The following SLC7A5 variants were observed in gnomAD, a reference collection of about 807,000 sequenced individuals.
SLC7A5 encodes the protein solute carrier family 7 member 5, also known as large neutral amino acids transporter small subunit 1.
SLC7A5 carries 23 observed loss-of-function variants against 50.2 expected under a neutral mutation model. The observed-to-expected ratio is 0.46, with a 90% CI of 0.33 to 0.65. SLC7A5 has a LOEUF of 0.65. Among genes scored for constraint, SLC7A5 ranks in the 30% least tolerant of loss-of-function variants. The pLI is 0.02. For missense variants in SLC7A5, 578 were observed against 684.4 expected (o/e 0.84, Z 1.73); for synonymous variants, 393 against 330.6 (o/e 1.19, Z -2.05).
chr16:87,868,621 G>C (rs1467283199), intron 1 of SLC7A5, among the ~76,000 whole-genome samples: 2 of 152,206 alleles, frequency 1.3e-5, no homozygotes. Context: ...GCTTAAGTGG[G>C]GGAATGGAAT....
intron 8 of SLC7A5, 26 bp from the exon 9 acceptor site, chr16:87,834,617 G>A: frequency 6.4e-7 from 1 of 1,566,590 alleles, no homozygotes; most frequent in Non-Finnish European, 8.6e-7. Flanking sequence ...GGGCCTGGGT[G>A]AGCCCTCTCC....
Position 87,860,340 on chromosome 16 carries a change from AT to A in SLC7A5, c.539-8492del, listed in dbSNP as rs1406917671. On this transcript the variant is annotated intron_variant, in intron 1 of 9. Transcript: ENST00000261622. The surrounding 1 kb of genome is among the most constrained non-coding windows in gnomAD (Gnocchi z 4.8). The stretch of plus-strand genomic sequence containing the variant: ...AAAAGCATCTCAAAAAAAAAAAAAA[AT>A]ACACACACACACACACACACACACA... Among the ~76,000 whole-genome samples the A allele has an allele frequency of 4.4e-4, 23 of 52,188 alleles. No homozygotes were observed. The highest frequency in any genetic ancestry group is 1.1e-3 in the African/African-American group (10 of 9,448). 34.2% of individuals were successfully genotyped at this position (52,188 alleles called of 152,430 possible).
chr16:87,866,046 T>C (rs112516021), intron 1 of SLC7A5, among the ~76,000 whole-genome samples: 5 of 147,598 alleles, frequency 3.4e-5, no homozygotes, highest in African/African-American at 1.0e-4. Flanking sequence ...CATACCCTTT[T>C]CCCATTTGCA....
Position 87,860,340 on chromosome 16 carries a change from ATACACACACAC to A in SLC7A5, c.539-8502_539-8492del, listed in dbSNP as rs1567501234. Among the ~76,000 whole-genome samples, 13 of 52,190 alleles carry A rather than the reference ATACACACACAC, an allele frequency of 2.5e-4. No homozygotes were observed. The highest frequency in any genetic ancestry group is 2.1e-3 in the South Asian group (3 of 1,402). The allele number at this position is 52,190 out of a possible 152,430, so 34.2% of individuals were successfully genotyped here. ...AAAAGCATCTCAAAAAAAAAAAAAA[ATACACACACAC>A]ACACACACACACACACACACACACA... On this transcript the variant is annotated intron_variant, in intron 1 of 9. Transcript: ENST00000261622. This position sits in a 1 kb window ranked among gnomAD's most constrained non-coding sequence, Gnocchi z 4.8.
intron 2 of SLC7A5, among the ~76,000 whole-genome samples, chr16:87,847,731 G>A (rs2055171921): frequency 6.6e-6 from 1 of 152,152 alleles, no homozygotes; most frequent in Admixed American, 6.5e-5. Flanking sequence ...AGTGGGGGTG[G>A]GGAGGGACCT....
rs1441818268 is a variant in SLC7A5 at position 87,833,049 on chromosome 16, G to T, written c.1469-24C>A. ...GACTGTCAGGAGAGAAGACAGCTGT[G>T]TTAGCCTGGGGGCTGGGTAGGCACC... On this transcript the variant is annotated intron_variant, in intron 9 of 9. Transcript: ENST00000261622. This position sits in a 1 kb window ranked among gnomAD's most constrained non-coding sequence, Gnocchi z 6.0. 2 of 1,611,640 alleles carry T rather than the reference G, an allele frequency of 1.2e-6. No homozygotes were observed. The highest frequency in any genetic ancestry group is 1.7e-6 in the Non-Finnish European group (2 of 1,177,942).
At position 87,844,814 on chromosome 16, in the gene SLC7A5, G is replaced by A. The variant is rs571543791; in HGVS notation, c.665-3659C>T. On this transcript the variant is annotated intron_variant, in intron 2 of 9. Coordinates refer to ENST00000261622, the MANE Select transcript of SLC7A5 (RefSeq NM_003486.7). ...GCCTTCCAACCACTCTGGCCCCTTG[G>A]GGCTCTAGGTGGAGTGTGCTGAACA... 8.5e-5 allele frequency among the ~76,000 whole-genome samples: 13 copies of A among 152,394 alleles called. No homozygotes were observed. The East Asian group carries it at 1.9e-3, about 23-fold the overall frequency.
At position 87,830,885 on chromosome 16, in the gene SLC7A5, T is replaced by A. The variant is rs919062404; in HGVS notation, c.*2085A>T. 3.9e-5 allele frequency: 6 copies of A among 151,968 alleles called. No individual in the cohort carries two copies. The highest frequency in any genetic ancestry group is 1.5e-4 in the African/African-American group (6 of 41,316). The allele number at this position is 151,968 out of a possible 1,614,324, so 9.4% of individuals were successfully genotyped here. On this transcript the variant is annotated 3_prime_UTR_variant, in exon 10 of 10. Coordinates refer to ENST00000261622, the MANE Select transcript of SLC7A5 (RefSeq NM_003486.7). ...CATGTCCACGTCCCAGAGCAGGAGG[T>A]TGGAACAGAACGGCATCCCGAGGAC... is the stretch of plus-strand genomic sequence containing the variant.
At chr16:87,867,796 G>C (rs1440787096) in intron 1 of SLC7A5, among the ~76,000 whole-genome samples, 1 of 152,228 alleles carries the variant, frequency 6.6e-6, no homozygotes, top group African/African-American at 2.4e-5. Context: ...TGCTACAAGT[G>C]ATTTTCCCCC....
rs1467574483 is a variant in SLC7A5 at position 87,832,802 on chromosome 16, G to C, written c.*168C>G. On this transcript the variant is annotated 3_prime_UTR_variant, in exon 10 of 10. Transcript: ENST00000261622. The surrounding 1 kb of genome is among the most constrained non-coding windows in gnomAD (Gnocchi z 4.6). ...GGCCCTCAGTTGAGGGATGAGATTC[G>C]TACCAGAGTTTTCACAGCAGCCTCC... The C allele has an allele frequency of 3.0e-6, 2 of 676,040 alleles. No homozygotes were observed. Among genetic ancestry groups the C allele is most frequent in the South Asian group, 3.1e-5 (2 of 63,974 alleles). 41.9% of individuals were successfully genotyped at this position (676,040 alleles called of 1,614,324 possible).
rs2055259674 is a variant in SLC7A5 at position 87,853,136 on chromosome 16, G to T, written c.539-1287C>A. On this transcript the variant is annotated intron_variant, in intron 1 of 9. Transcript: ENST00000261622. This position sits in a 1 kb window ranked among gnomAD's most constrained non-coding sequence, Gnocchi z 4.4. ...TCTTTCCCCTTGGGAGTAACGCTCA[G>T]AAAGGTCTGGCCAGCCAAGGCCTTG... 6.6e-6 allele frequency among the ~76,000 whole-genome samples: 1 copy of T among 152,242 alleles called. No individual in the cohort carries two copies. The highest frequency in any genetic ancestry group is 1.5e-5 in the Non-Finnish European group (1 of 68,044).
chr16:87,841,874 C>A lies in SLC7A5; in HGVS notation c.665-719G>T, dbSNP rs929521583. The stretch of plus-strand genomic sequence containing the variant: ...AAAACTTGAACTTCAGTCACATCTG[C>A]GAAGACCCTTTTTCCAAATAAGGCC... On this transcript the variant is annotated intron_variant, in intron 2 of 9. Transcript: ENST00000261622. This position sits in a 1 kb window ranked among gnomAD's most constrained non-coding sequence, Gnocchi z 4.8. Among the ~76,000 whole-genome samples the A allele has an allele frequency of 6.6e-6, 1 of 152,218 alleles. No individual in the cohort carries two copies. The highest frequency in any genetic ancestry group is 1.5e-5 in the Non-Finnish European group (1 of 68,038).
chr16:87,846,506 G>C (rs2055155911), intron 2 of SLC7A5, among the ~76,000 whole-genome samples: 1 of 152,240 alleles, frequency 6.6e-6, no homozygotes, highest in Non-Finnish European at 1.5e-5. Flanking sequence ...GTGGACATGG[G>C]GCCTCTACAG....
chr16:87,864,833 G>C (rs560935729), intron 1 of SLC7A5, among the ~76,000 whole-genome samples: 11 of 152,312 alleles, frequency 7.2e-5, no homozygotes, highest in Middle Eastern at 3.4e-3. Flanking sequence ...CAAGTAAAAA[G>C]CACTTAAACA....
At chr16:87,839,869 T>G in intron 4 of SLC7A5, 44 bp from the exon 5 acceptor site, 1 of 1,611,746 alleles carries the variant, frequency 6.2e-7, no homozygotes, top group South Asian at 1.1e-5. Flanking sequence ...CAGCCCGGGC[T>G]GAAGGCCAAA....
chr16:87,860,428 C>T lies in SLC7A5; in HGVS notation c.538+8457G>A, dbSNP rs186714720. On this transcript the variant is annotated intron_variant, in intron 1 of 9. Transcript: ENST00000261622. This position sits in a 1 kb window ranked among gnomAD's most constrained non-coding sequence, Gnocchi z 4.8. Reference sequence around the variant, plus strand: ...TATATATAAAGAAAAAGGAAATCTTCGAACCCACCTGTGACCAGGAAGCCC... The same window carrying T: ...TATATATAAAGAAAAAGGAAATCTTTGAACCCACCTGTGACCAGGAAGCCC... Among the ~76,000 whole-genome samples, 111 of 149,234 alleles carry T rather than the reference C, an allele frequency of 7.4e-4. 3 individuals are homozygous for T. The highest frequency in any genetic ancestry group is 3.5e-3 in the Middle Eastern group (1 of 282).
chr16:87,838,968 T>C (rs2055047983), intron 5 of SLC7A5, 151 bp from the exon 6 acceptor site: 1 of 701,860 alleles, frequency 1.4e-6, no homozygotes, highest in Non-Finnish European at 2.6e-6. Context: ...TTCTGGCCTC[T>C]GGGGGGACTT....
chr16:87,843,346 ACTTTTTTTTTTTT>A, intron 2 of SLC7A5, among the ~76,000 whole-genome samples: 1 of 108,126 alleles, frequency 9.2e-6, no homozygotes, highest in African/African-American at 3.5e-5. Context: ...GGCCTGAGTA[ACTTTTTTTTTTTT>A]TTTTTTTTTT....
In SLC7A5 at chr16:87,862,385, C is replaced by T. The variant is rs1006721060; in HGVS notation, c.538+6500G>A. On this transcript the variant is annotated intron_variant, in intron 1 of 9. Coordinates refer to ENST00000261622, the MANE Select transcript of SLC7A5 (RefSeq NM_003486.7). This position sits in a 1 kb window ranked among gnomAD's most constrained non-coding sequence, Gnocchi z 5.3. ...AGCTAAGCCCACAGCCATCAAAACC[C>T]ACCCCTTACACCCTTCACCCTTTAG... is the stretch of plus-strand genomic sequence containing the variant. 6.6e-5 allele frequency among the ~76,000 whole-genome samples: 10 copies of T among 152,316 alleles called. No homozygotes were observed. The highest frequency in any genetic ancestry group is 2.2e-4 in the African/African-American group (9 of 41,566).
Sources: allele counts gnomAD v4.1 joint callset (sites outside exome capture counted in the v4.1 genomes callset), GRCh38; gene constraint gnomAD v4.1.1; non-coding constraint Gnocchi (gnomAD v3.1); transcripts MANE v1.5; gene names NCBI Gene and HGNC (gene_info 2026-07-23, HGNC 2026-07-21).